SEC31B: variants seen among roughly 807,000 people sequenced by gnomAD.
SEC31B encodes the protein SEC31 homolog B, COPII component.
A neutral mutation model predicts 135.0 loss-of-function variants in SEC31B; 113 were observed. That is an observed-to-expected ratio of 0.84 (90% confidence interval 0.72 to 0.98). The LOEUF (loss-of-function observed/expected upper bound fraction) is 0.98. Among genes scored for constraint, SEC31B ranks in the 50% least tolerant of loss-of-function variants. The pLI is 0.00. For missense variants in SEC31B, 1,296 were observed against 1,421.1 expected, an observed-to-expected ratio of 0.91 and a Z score of 1.42; for synonymous variants, 508 against 549.4, an observed-to-expected ratio of 0.92 and a Z score of 1.05.
Position 100,490,688 on chromosome 10 carries a change from C to T in SEC31B, c.2650+18G>A. On this transcript the variant is annotated intron_variant, in intron 20 of 25. Transcript: ENST00000370345. ...ACCTCTGTGCTCTGCCCAGATAGAT[C>T]TTCAGTGACTCACTCACCAGGCCTT... 2 of 1,550,220 alleles carry T rather than the reference C, an allele frequency of 1.3e-6. No homozygotes were observed. Among genetic ancestry groups the T allele is most frequent in the Non-Finnish European group, 1.7e-6 (2 of 1,146,608 alleles).
chr10:100,489,662 G>A, intron 22 of SEC31B, 41 bp downstream of exon 22: 3 of 1,613,818 alleles, frequency 1.9e-6, no homozygotes, highest in Non-Finnish European at 2.5e-6. Flanking sequence ...CGTGGTCATT[G>A]GTGAATGTGC....
intron 10 of SEC31B, among the ~76,000 whole-genome samples, chr10:100,503,404 G>T (rs1254733528): frequency 6.6e-6 from 1 of 151,612 alleles, no homozygotes; most frequent in African/African-American, 2.4e-5. Context: ...AATTATTCAG[G>T]TTATTCCAAT....
At chr10:100,505,935 C>T in intron 9 of SEC31B, 105 bp downstream of exon 9, 1 of 1,562,702 alleles carries the variant, frequency 6.4e-7, no homozygotes, top group Non-Finnish European at 8.7e-7. Flanking sequence ...ACCCCGGGCC[C>T]TGGTCTCCCA....
chr10:100,498,360 T>C, intron 14 of SEC31B, 153 bp from the exon 15 acceptor site: 1 of 761,664 alleles, frequency 1.3e-6, no homozygotes, highest in Non-Finnish European at 2.1e-6. Context: ...GGCAATAAAA[T>C]GTATTTTGGT....
intron 11 of SEC31B, chr10:100,500,230 T>C (rs1358043960): frequency 2.2e-6 from 1 of 456,344 alleles, no homozygotes; most frequent in African/African-American, 2.0e-5. Flanking sequence ...TGCCTGATGC[T>C]ACCCTGCTGT....
intron 24 of SEC31B, among the ~76,000 whole-genome samples, chr10:100,488,654 G>A (rs972345287): frequency 6.6e-6 from 1 of 151,950 alleles, no homozygotes; most frequent in Admixed American, 6.6e-5. Context: ...AATGCTGCTG[G>A]GTCCTACCAC....
intron 10 of SEC31B, among the ~76,000 whole-genome samples, chr10:100,504,440 G>C (rs947188891): frequency 4.6e-5 from 7 of 152,148 alleles, no homozygotes; most frequent in Admixed American, 4.6e-4. Context: ...CATCAACTGG[G>C]AGCCTGCTGA....
chr10:100,508,991 TG>T lies in SEC31B; in HGVS notation c.495+15del, dbSNP rs752279404. 6.3e-5 allele frequency: 101 copies of T among 1,598,894 alleles called. No individual in the cohort carries two copies. Among genetic ancestry groups the T allele is most frequent in the Admixed American group, 1.7e-4 (10 of 59,970 alleles). On this transcript the variant is annotated intron_variant, in intron 5 of 25. Coordinates refer to ENST00000370345, the MANE Select transcript of SEC31B (RefSeq NM_015490.4). ...AGCTGCACACTCCAGGGTTGGGTAG[TG>T]GGGGTGCTGCTCACCTGTGACTTGG...
At chr10:100,488,797 G>C in intron 24 of SEC31B, 61 bp downstream of exon 24, 5 of 1,512,420 alleles carry the variant, frequency 3.3e-6, no homozygotes, top group Non-Finnish European at 4.4e-6. Flanking sequence ...GTCCACAGCT[G>C]AGGGGTCCTG....
chr10:100,500,249 T>A (rs1331120912), intron 11 of SEC31B: 1 of 455,310 alleles, frequency 2.2e-6, no homozygotes, highest in Non-Finnish European at 4.4e-6. Flanking sequence ...GTGGTCCCTA[T>A]CCCATATCCT....
intron 3 of SEC31B, 60 bp from the exon 4 acceptor site, chr10:100,509,571 TG>T (rs1851701883): frequency 1.5e-6 from 2 of 1,360,806 alleles, no homozygotes; most frequent in Non-Finnish European, 2.0e-6. Flanking sequence ...AAGCACAGGA[TG>T]GGCATCTCTG....
chr10:100,495,069 G>C, intron 19 of SEC31B: 1 of 343,226 alleles, frequency 2.9e-6, no homozygotes, highest in South Asian at 2.4e-5. Context: ...CTCATGATCT[G>C]CCCGCTTTGG....
Position 100,509,078 on chromosome 10 carries a change from T to C in SEC31B, c.424A>G (p.Ser142Gly). 6.2e-7 allele frequency: 1 copy of C among 1,614,170 alleles called. No individual in the cohort carries two copies. The highest frequency in any genetic ancestry group is 1.1e-5 in the South Asian group (1 of 91,078). The change falls in exon 5 of 26, where the codon AGC becomes GGC. Residue 142 changes from serine to glycine, a missense_variant. Transcript: ENST00000370345. Reference protein sequence around the residue: ...FQGNLLASGASDSEIFIWDLN... With the variant: ...FQGNLLASGAGDSEIFIWDLN... ...TCCCAAATGAAGATTTCAGAATCGC[T>C]GGCCCCTGAAGCCAGGAGGTTGCCC...
chr10:100,513,598 T>C (rs1851773477), intron 3 of SEC31B, among the ~76,000 whole-genome samples: 1 of 151,850 alleles, frequency 6.6e-6, no homozygotes, highest in Non-Finnish European at 1.5e-5. Flanking sequence ...GCCTCCCGAG[T>C]AGCTGGGATT....
intron 2 of SEC31B, 73 bp from the exon 3 acceptor site, chr10:100,516,292 G>T: frequency 6.6e-7 from 1 of 1,520,244 alleles, no homozygotes; most frequent in African/African-American, 1.4e-5. Flanking sequence ...GTTAAGGAGT[G>T]AAGAAGAGAA....
rs1460581866 is a variant in SEC31B, at chr10:100,507,505, C to T, written c.702G>A (p.Glu234=). Residue 234 remains glutamate (E), a synonymous_variant, in exon 7 of 26, where the codon GAG becomes GAA. Coordinates refer to ENST00000370345, the MANE Select transcript of SEC31B (RefSeq NM_015490.4). ...DIATQLVLCS[E]DDRLPVIQLW... Reference sequence around the variant, plus strand: ...GCTGAATCACGGGAAGTCGATCATCCTCTGAGCACAGCACTAACTGGGTGG... The same window carrying T: ...GCTGAATCACGGGAAGTCGATCATCTTCTGAGCACAGCACTAACTGGGTGG... The T allele has an allele frequency of 6.2e-7, 1 of 1,614,118 alleles. No homozygotes were observed.
chr10:100,491,676 T>C (rs923692064), intron 19 of SEC31B, among the ~76,000 whole-genome samples: 4 of 152,178 alleles, frequency 2.6e-5, no homozygotes, highest in East Asian at 1.9e-4. Flanking sequence ...GAAAAAACAT[T>C]TGACAAAATT....
intron 23 of SEC31B, 53 bp from the exon 24 acceptor site, chr10:100,489,027 T>A: frequency 6.4e-7 from 1 of 1,556,716 alleles, no homozygotes; most frequent in Non-Finnish European, 8.7e-7. Flanking sequence ...GTCCTTCTCA[T>A]GGCTTCCCTA....
rs749949136 is a variant in SEC31B, at chr10:100,495,420, A to C, written c.2437T>G (p.Ser813Ala). Reference protein sequence around the residue: ...VGATLHSKETSSYRLGSQPSH... With the variant: ...VGATLHSKETASYRLGSQPSH... ...GGCTGGGATCCCAATCTGTAAGATGATGTCTCTTTAGAGTGGAGGGTAGCT... is the reference window on the plus strand; with the variant it reads ...GGCTGGGATCCCAATCTGTAAGATGCTGTCTCTTTAGAGTGGAGGGTAGCT... The change falls in exon 19 of 26, where the codon TCA (serine) becomes GCA (alanine). Residue 813 changes from serine (S) to alanine (A), a missense_variant. Ser to Ala is a moderately conservative substitution (Grantham distance 99). Transcript: ENST00000370345. The C allele has an allele frequency of 6.2e-7, 1 of 1,614,028 alleles. No individual in the cohort carries two copies. The highest frequency in any genetic ancestry group is 8.5e-7 in the Non-Finnish European group (1 of 1,179,988).
Sources: allele counts gnomAD v4.1 joint callset (sites outside exome capture counted in the v4.1 genomes callset), GRCh38; gene constraint gnomAD v4.1.1; transcripts MANE v1.5; gene names NCBI Gene and HGNC (gene_info 2026-07-23, HGNC 2026-07-21).